Variants in MED28 observed in about 807,000 individuals in gnomAD.
MED28 encodes mediator of RNA polymerase II transcription subunit 28.
In MED28, 26 loss-of-function variants were observed where a neutral mutation model predicts 21.3. The ratio of observed to expected loss-of-function variants is 1.22; its 90% CI spans 0.89 to 1.69. The LOEUF is 1.69. MED28 is among the 40% of genes most tolerant of loss of function. The pLI is 0.00. For missense variants in MED28, 257 were observed against 215.4 expected (o/e 1.19, Z -1.21); for synonymous variants, 110 against 87.6 (o/e 1.26, Z -1.43).
At chr4:17,616,164 C>T (rs142181948) in intron 1 of MED28, among the ~76,000 whole-genome samples, 1,791 of 152,218 alleles carry the variant, frequency 0.012, 41 homozygotes, top group African/African-American at 0.041. Flanking sequence ...ACTATCTTGG[C>T]CAGGCTGGTC....
In MED28 at chr4:17,633,908, G is replaced by T; in HGVS notation, c.*10110G>T. 6.7e-7 allele frequency: 1 copy of T among 1,489,646 alleles called. No individual in the cohort carries two copies. The allele number at this position is 1,489,646 out of a possible 1,614,324, so 92.3% of individuals were successfully genotyped here. On this transcript the variant is annotated 3_prime_UTR_variant, in exon 4 of 4. Coordinates refer to ENST00000237380, the MANE Select transcript of MED28 (RefSeq NM_025205.5). ...CTTTTTCTGTTTGTATTAATGGACA[G>T]GTTAGTGCAATGCAATGCAAAAAAC...
At position 17,619,497 on chromosome 4, in the gene MED28, A is replaced by G. The variant is rs113369490; in HGVS notation, c.160-404A>G. 1.8e-3 allele frequency among the ~76,000 whole-genome samples: 269 copies of G among 152,354 alleles called. 3 individuals carry two copies. The highest frequency in any genetic ancestry group is 3.0e-3 in the Non-Finnish European group (206 of 68,036). The stretch of plus-strand genomic sequence containing the variant: ...TGTGGAGCATGAGCAGGAGGGGCAC[A>G]GTTTAGAAAGGGTAGACCGGCTGCT... On this transcript the variant is annotated intron_variant, in intron 1 of 3. Coordinates refer to ENST00000237380, the MANE Select transcript of MED28 (RefSeq NM_025205.5).
chr4:17,620,354 G>GGT (rs763337808), intron 2 of MED28, among the ~76,000 whole-genome samples: 1 of 141,228 alleles, frequency 7.1e-6, no homozygotes, highest in Non-Finnish European at 1.5e-5. Flanking sequence ...TATTTTACAT[G>GGT]TTTTTTTTTT....
Position 17,623,858 on chromosome 4 carries a change from C to G in MED28, c.*60C>G, listed in dbSNP as rs1714704864. On this transcript the variant is annotated 3_prime_UTR_variant, in exon 4 of 4. Transcript: ENST00000237380. ...TGATGCGTGAGGTTGGCCACACATT[C>G]CTTCCTGTGGACTTGACATTTTGGA... 6.5e-7 allele frequency: 1 copy of G among 1,527,354 alleles called. No homozygotes were observed. The highest frequency in any genetic ancestry group is 8.9e-7 in the Non-Finnish European group (1 of 1,119,264). The allele number at this position is 1,527,354 out of a possible 1,614,324, so 94.6% of individuals were successfully genotyped here. A position where few individuals can be genotyped will look rare whatever the true frequency, so the allele number is the denominator to read the frequency against.
Position 17,633,920 on chromosome 4 carries a change from G to C in MED28, c.*10122G>C. On this transcript the variant is annotated 3_prime_UTR_variant, in exon 4 of 4. Coordinates refer to ENST00000237380, the MANE Select transcript of MED28 (RefSeq NM_025205.5). ...GTATTAATGGACAGGTTAGTGCAAT[G>C]CAATGCAAAAAACAAAATAAAGCAT... 1.5e-6 allele frequency: 2 copies of C among 1,352,132 alleles called. No homozygotes were observed. The highest frequency in any genetic ancestry group is 9.6e-7 in the Non-Finnish European group (1 of 1,038,196). 83.8% of individuals were successfully genotyped at this position (1,352,132 alleles called of 1,614,324 possible).
At chr4:17,620,081 G>C in intron 2 of MED28, 114 bp downstream of exon 2, 4 of 945,032 alleles carry the variant, frequency 4.2e-6, no homozygotes, top group South Asian at 1.4e-5. Context: ...ACATTTCAGG[G>C]ACTAAAATGT....
chr4:17,621,734 A>G, intron 3 of MED28, 35 bp downstream of exon 3: 1 of 1,360,716 alleles, frequency 7.3e-7, no homozygotes, highest in Non-Finnish European at 1.0e-6. Context: ...CTCTATAGGA[A>G]GAACTAAGTG....
Position 17,629,282 on chromosome 4 carries a change from T to C in MED28, c.*5484T>C, listed in dbSNP as rs891243706. 2.8e-4 allele frequency: 42 copies of C among 152,366 alleles called. No individual in the cohort carries two copies. The highest frequency in any genetic ancestry group is 9.9e-4 in the African/African-American group (41 of 41,554). 9.4% of individuals were successfully genotyped at this position (152,366 alleles called of 1,614,324 possible). Reference sequence around the variant, plus strand: ...CCTGGGGGTGGAGGTGAGGTGACGGTAGAGATCAGTGCTACCCTTGGAAAT... The same window carrying C: ...CCTGGGGGTGGAGGTGAGGTGACGGCAGAGATCAGTGCTACCCTTGGAAAT... On this transcript the variant is annotated 3_prime_UTR_variant, in exon 4 of 4. Coordinates refer to ENST00000237380, the MANE Select transcript of MED28 (RefSeq NM_025205.5).
In MED28 at chr4:17,623,870, C is replaced by G; in HGVS notation, c.*72C>G. 6.7e-7 allele frequency: 1 copy of G among 1,492,026 alleles called. No individual in the cohort carries two copies. 92.4% of individuals were successfully genotyped at this position (1,492,026 alleles called of 1,614,324 possible). A position where few individuals can be genotyped will look rare whatever the true frequency, so the allele number is the denominator to read the frequency against. ...TTGGCCACACATTCCTTCCTGTGGACTTGACATTTTGGAAGAACTCTTTGC... is the reference window on the plus strand; with the variant it reads ...TTGGCCACACATTCCTTCCTGTGGAGTTGACATTTTGGAAGAACTCTTTGC... On this transcript the variant is annotated 3_prime_UTR_variant, in exon 4 of 4. Coordinates refer to ENST00000237380, the MANE Select transcript of MED28 (RefSeq NM_025205.5).
In MED28 at chr4:17,624,009, G is replaced by T; in HGVS notation, c.*211G>T. On this transcript the variant is annotated 3_prime_UTR_variant, in exon 4 of 4. Transcript: ENST00000237380. Reference sequence around the variant, plus strand: ...CATGTCTGTAGCTTGGATAAACCAAGTAAGTATTTTTTTTTTGTCTTTAGC... The same window carrying T: ...CATGTCTGTAGCTTGGATAAACCAATTAAGTATTTTTTTTTTGTCTTTAGC... 1.8e-6 allele frequency: 1 copy of T among 565,942 alleles called. No individual in the cohort carries two copies. Among genetic ancestry groups the T allele is most frequent in the Non-Finnish European group, 3.1e-6 (1 of 319,852 alleles). The allele number at this position is 565,942 out of a possible 1,614,324, so 35.1% of individuals were successfully genotyped here.
Position 17,631,224 on chromosome 4 carries a change from T to C in MED28, c.*7426T>C, listed in dbSNP as rs1714929920. ...GTTCAGGGGATATATATATATATTT[T>C]TTTAATCTGTAGAGATGGGATCTCA... On this transcript the variant is annotated 3_prime_UTR_variant, in exon 4 of 4. Coordinates refer to ENST00000237380, the MANE Select transcript of MED28 (RefSeq NM_025205.5). 1 of 152,168 alleles carries C rather than the reference T, an allele frequency of 6.6e-6. No homozygotes were observed. Among genetic ancestry groups the C allele is most frequent in the South Asian group, 2.1e-4 (1 of 4,832 alleles). 9.4% of individuals were successfully genotyped at this position (152,168 alleles called of 1,614,324 possible). A position where few individuals can be genotyped will look rare whatever the true frequency, so the allele number is the denominator to read the frequency against.
At chr4:17,619,218 G>A (rs1714546557) in intron 1 of MED28, among the ~76,000 whole-genome samples, 3 of 152,150 alleles carry the variant, frequency 2.0e-5, no homozygotes, top group Admixed American at 6.5e-5. Context: ...CTGTATAGGT[G>A]CCCTTTAGAG....
In MED28 at chr4:17,623,979, T is replaced by A; in HGVS notation, c.*181T>A. On this transcript the variant is annotated 3_prime_UTR_variant, in exon 4 of 4. Coordinates refer to ENST00000237380, the MANE Select transcript of MED28 (RefSeq NM_025205.5). ...TAAGCTGTTAATTTCTTGAGTACTT[T>A]ATAACATGTCTGTAGCTTGGATAAA... The A allele has an allele frequency of 1.5e-6, 1 of 656,538 alleles. No homozygotes were observed. The highest frequency in any genetic ancestry group is 2.6e-6 in the Non-Finnish European group (1 of 380,506). The allele number at this position is 656,538 out of a possible 1,614,324, so 40.7% of individuals were successfully genotyped here. A position where few individuals can be genotyped will look rare whatever the true frequency, so the allele number is the denominator to read the frequency against.
In MED28 at chr4:17,624,255, T is replaced by C. The variant is rs2108919032; in HGVS notation, c.*457T>C. ...TGTAGAAAAGTATGTAAATTTGCTC[T>C]GTTTTAAGACTTTGAACTACCTCAA... On this transcript the variant is annotated 3_prime_UTR_variant, in exon 4 of 4. Coordinates refer to ENST00000237380, the MANE Select transcript of MED28 (RefSeq NM_025205.5). 1 of 174,388 alleles carries C rather than the reference T, an allele frequency of 5.7e-6. No individual in the cohort carries two copies. Among genetic ancestry groups the C allele is most frequent in the South Asian group, 1.2e-4 (1 of 8,074 alleles). The allele number at this position is 174,388 out of a possible 1,614,324, so 10.8% of individuals were successfully genotyped here.
Position 17,632,746 on chromosome 4 carries a change from G to A in MED28, c.*8948G>A. ...TTACTCTTCAAAAACACCCAAATGG[G>A]ACTGGCCAACATTAGTAGTGGGAAA... On this transcript the variant is annotated 3_prime_UTR_variant, in exon 4 of 4. Transcript: ENST00000237380. 1 of 659,106 alleles carries A rather than the reference G, an allele frequency of 1.5e-6. No individual in the cohort carries two copies. Among genetic ancestry groups the A allele is most frequent in the Non-Finnish European group, 2.6e-6 (1 of 382,900 alleles). 40.8% of individuals were successfully genotyped at this position (659,106 alleles called of 1,614,324 possible).
chr4:17,633,983 G>A lies in MED28; in HGVS notation c.*10185G>A. The stretch of plus-strand genomic sequence containing the variant: ...AAATAATGCTCACCCAATCAAAATT[G>A]TATCGGAGAAGAAGCAACAATTTCA... On this transcript the variant is annotated 3_prime_UTR_variant, in exon 4 of 4. Transcript: ENST00000237380. 1 of 1,016,588 alleles carries A rather than the reference G, an allele frequency of 9.8e-7. No homozygotes were observed. The highest frequency in any genetic ancestry group is 1.3e-6 in the Non-Finnish European group (1 of 756,628). The allele number at this position is 1,016,588 out of a possible 1,614,324, so 63.0% of individuals were successfully genotyped here.
intron 3 of MED28, among the ~76,000 whole-genome samples, chr4:17,623,201 G>C (rs1338125627): frequency 6.6e-6 from 1 of 152,156 alleles, no homozygotes; most frequent in Non-Finnish European, 1.5e-5. Flanking sequence ...AGGAGTTCGA[G>C]ATTAGCCTAG....
chr4:17,627,380 G>T lies in MED28; in HGVS notation c.*3582G>T, dbSNP rs1181864824. 2 of 152,406 alleles carry T rather than the reference G, an allele frequency of 1.3e-5. No individual in the cohort carries two copies. The highest frequency in any genetic ancestry group is 4.8e-5 in the African/African-American group (2 of 41,450). 9.4% of individuals were successfully genotyped at this position (152,406 alleles called of 1,614,324 possible). ...ACTGAGATTACAGGCATGAGCCACC[G>T]TGCCCAGCCCATCTTCATCTTCTTT... is the stretch of plus-strand genomic sequence containing the variant. On this transcript the variant is annotated 3_prime_UTR_variant, in exon 4 of 4. Transcript: ENST00000237380.
intron 1 of MED28, 39 bp downstream of exon 1, chr4:17,614,852 C>T (rs886460477): frequency 3.9e-6 from 6 of 1,552,416 alleles, no homozygotes; most frequent in Non-Finnish European, 5.2e-6. Flanking sequence ...CTAGCCTTCC[C>T]TTTTTTCTGA....
Sources: gnomAD v4.1 joint callset for allele counts (sites outside exome capture counted in the v4.1 genomes callset) on GRCh38, gnomAD v4.1.1 for gene constraint, MANE v1.5 for transcripts, NCBI Gene and HGNC (gene_info 2026-07-23, HGNC 2026-07-21) for gene names.